Variants in ANK2 observed in about 807,000 individuals in gnomAD.
ANK2 encodes ankyrin 2.
In ANK2, 83 loss-of-function variants were observed where a neutral mutation model predicts 360.5. The ratio of observed to expected loss-of-function variants is 0.23; its 90% CI spans 0.19 to 0.28. The LOEUF is 0.28. ANK2 is among the 10% of genes least tolerant of loss of function. ANK2 has a pLI of 1.00. For synonymous variants in ANK2, 1,740 were observed against 1,759.5 expected (o/e 0.99, Z 0.28); for missense variants, 4,201 against 4,795.7 (o/e 0.88, Z 3.66).
intron 22 of ANK2, among the ~76,000 whole-genome samples, chr4:113,301,448 C>G (rs2074960877): frequency 6.6e-6 from 1 of 151,864 alleles, no homozygotes; most frequent in African/African-American, 2.4e-5. Context: ...ATTAACATAT[C>G]TATTACCTCC....
chr4:112,944,427 GCTTA>G (rs1257318356), intron 2 of ANK2, among the ~76,000 whole-genome samples: 2 of 152,122 alleles, frequency 1.3e-5, no homozygotes, highest in Admixed American at 6.5e-5. Flanking sequence ...AATGTAAACA[GCTTA>G]CTTCTTTGTG....
chr4:113,245,039 A>G (rs2042103946), intron 9 of ANK2, among the ~76,000 whole-genome samples: 1 of 152,066 alleles, frequency 6.6e-6, no homozygotes, highest in Non-Finnish European at 1.5e-5. Context: ...GCTTGGTTCT[A>G]AGTTTTTGCT....
chr4:113,132,933 G>A (rs1465872598), intron 1 of ANK2, among the ~76,000 whole-genome samples: 2 of 152,214 alleles, frequency 1.3e-5, no homozygotes, highest in Non-Finnish European at 2.9e-5. Flanking sequence ...TTCTACCTTC[G>A]GAGCTGTACT....
intron 2 of ANK2, chr4:113,033,866 C>G (rs1371065964): frequency 6.6e-6 from 1 of 152,016 alleles, no homozygotes; most frequent in Non-Finnish European, 1.5e-5. Flanking sequence ...ACCATAGATG[C>G]CTGGCTGTCT....
At chr4:112,814,137 G>T (rs1357093105), upstream of ANK2, among the ~76,000 whole-genome samples, 1 of 152,236 alleles carries the variant, frequency 6.6e-6, no homozygotes, top group African/African-American at 2.4e-5. Flanking sequence ...GGGAGCTGTA[G>T]TCTTTGGGCA....
At chr4:112,712,151 C>T in the ANK2 span, among the ~76,000 whole-genome samples, 1 of 149,790 alleles carries the variant, frequency 6.7e-6, no homozygotes, top group Admixed American at 6.6e-5. Context: ...GGTGCAGTCT[C>T]GGCTCACTGA....
chr4:112,952,576 G>T (rs1455915910), intron 2 of ANK2, among the ~76,000 whole-genome samples: 1 of 152,076 alleles, frequency 6.6e-6, no homozygotes, highest in Non-Finnish European at 1.5e-5. Flanking sequence ...TCTGTCGTTG[G>T]TACATGTTAA....
At chr4:113,321,782 G>A (rs1015301167) in intron 26 of ANK2, among the ~76,000 whole-genome samples, 7 of 152,136 alleles carry the variant, frequency 4.6e-5, no homozygotes, top group African/African-American at 1.7e-4. Flanking sequence ...ACCCAGGCTG[G>A]AGTGTGGTGG....
At chr4:112,931,433 C>CTT (rs59802557) in intron 2 of ANK2, among the ~76,000 whole-genome samples, 1,859 of 85,044 alleles carry the variant, frequency 0.022, 8 homozygotes, top group Non-Finnish European at 0.033. Context: ...TCTTTCTTTT[C>CTT]TTTTTTTTTT....
Position 112,975,667 on chromosome 4 carries a change from G to A in ANK2, c.21+71153G>A, listed in dbSNP as rs574709331. On this transcript the variant is annotated intron_variant, in intron 2 of 30. Transcript: ENST00000503271. ...TAAATAAGATGCAGCAGGACTGGAA[G>A]CAAGTAATCTCCTTCTTGCAGTCCT... Among the ~76,000 whole-genome samples, 6 of 152,284 alleles carry A rather than the reference G, an allele frequency of 3.9e-5. No individual in the cohort carries two copies. In the South Asian group the frequency reaches 1.0e-3, roughly 26 times the overall value.
Position 113,085,367 on chromosome 4 carries a change from G to A in ANK2, c.84+35555G>A, listed in dbSNP as rs186386624. Among the ~76,000 whole-genome samples, 1,273 of 151,780 alleles carry A rather than the reference G, an allele frequency of 8.4e-3. 16 individuals are homozygous for A. Among genetic ancestry groups the A allele is most frequent in the African/African-American group, 0.029 (1,184 of 41,372 alleles). On this transcript the variant is annotated intron_variant, in intron 1 of 45. Transcript: ENST00000357077. The stretch of plus-strand genomic sequence containing the variant: ...CTCACTCTGTCGCCCAGGCTGGAGT[G>A]CAGTGGCCCAATCTTGGCTCACTGC...
chr4:113,233,260 A>G (rs1162863942), intron 5 of ANK2, among the ~76,000 whole-genome samples: 3 of 146,210 alleles, frequency 2.1e-5, no homozygotes, highest in East Asian at 2.0e-4. Context: ...TCAGCCTCCC[A>G]AGTAGCTGGG....
At chr4:112,775,094 G>C in the ANK2 span, among the ~76,000 whole-genome samples, 1 of 152,120 alleles carries the variant, frequency 6.6e-6, no homozygotes, top group African/African-American at 2.4e-5. Flanking sequence ...GGAGAGGCCA[G>C]TTACTGATAA....
chr4:112,854,737 A>C (rs767688369), intron 1 of ANK2, among the ~76,000 whole-genome samples: 22 of 152,292 alleles, frequency 1.4e-4, no homozygotes, highest in Non-Finnish European at 2.8e-4. Flanking sequence ...AAACATTATA[A>C]TGAGTTCATA....
chr4:112,983,405 A>G (rs986772038), intron 2 of ANK2, among the ~76,000 whole-genome samples: 1 of 151,364 alleles, frequency 6.6e-6, no homozygotes, highest in Non-Finnish European at 1.5e-5. Flanking sequence ...GGCCGGGCGC[A>G]GTGGCTCACG....
chr4:112,915,765 T>A (rs7671000), intron 2 of ANK2, among the ~76,000 whole-genome samples: 52,334 of 144,046 alleles, frequency 0.36, 11,540 homozygotes, highest in African/African-American at 0.66. Flanking sequence ...AAAAAAAAAA[T>A]AAATAAATAA....
At chr4:113,308,224 T>A (rs2078176734) in intron 23 of ANK2, among the ~76,000 whole-genome samples, 1 of 152,214 alleles carries the variant, frequency 6.6e-6, no homozygotes, top group Admixed American at 6.5e-5. Context: ...TTTTAAATCA[T>A]CTTTTCTCCC....
intron 2 of ANK2, among the ~76,000 whole-genome samples, chr4:112,992,581 C>T (rs909557955): frequency 1.8e-4 from 28 of 152,158 alleles, no homozygotes; most frequent in Middle Eastern, 3.2e-3. Flanking sequence ...TTGAGTTGTG[C>T]GTGCCAGTAT....
chr4:113,079,467 A>C (rs1382947725), intron 1 of ANK2, among the ~76,000 whole-genome samples: 1 of 152,184 alleles, frequency 6.6e-6, no homozygotes, highest in Non-Finnish European at 1.5e-5. Context: ...GCATCTTTAA[A>C]TTGCACTTAC....
Sources: gnomAD v4.1 joint callset for allele counts (sites outside exome capture counted in the v4.1 genomes callset) on GRCh38, gnomAD v4.1.1 for gene constraint, MANE v1.5 for transcripts, NCBI Gene and HGNC (gene_info 2026-07-23, HGNC 2026-07-21) for gene names.